NGB: variants seen among roughly 807,000 people sequenced by gnomAD.
NGB encodes the protein nitrite reductase.
A neutral mutation model predicts 17.3 loss-of-function variants in NGB; 12 were observed. That is an observed-to-expected ratio of 0.69 (90% CI 0.45 to 1.13). NGB has a LOEUF of 1.13. Among genes scored for constraint, NGB ranks in the 50% most tolerant of loss-of-function variants. The pLI is 0.00. For synonymous variants in NGB, 87 were observed against 81.0 expected (o/e 1.07, Z -0.40); for missense variants, 195 against 191.7 (o/e 1.02, Z -0.10).
At chr14:77,270,769 C>T (rs1889763639) in intron 1 of NGB, 80 bp downstream of exon 1, 1 of 1,281,956 alleles carries the variant, frequency 7.8e-7, no homozygotes, top group East Asian at 2.7e-5. Flanking sequence ...TTCCCTCCTT[C>T]GGGGCCGGTC....
chr14:77,269,298 G>A lies in NGB; in HGVS notation c.118C>T (p.Pro40Ser), dbSNP rs1339289448. 3.2e-6 allele frequency: 5 copies of A among 1,551,512 alleles called. No individual in the cohort carries two copies. The highest frequency in any genetic ancestry group is 4.4e-6 in the Non-Finnish European group (5 of 1,146,762). ...TGGCGGCAGTTGTACTGGAAGAGGG[G>A]CAGCAGGTCAGGCTCCAGGGCAAAC... Reference protein sequence around the residue: ...RLFALEPDLLPLFQYNCRQFS... With the variant: ...RLFALEPDLLSLFQYNCRQFS... The change falls in exon 2 of 4, where the codon CCC becomes TCC. Residue 40 changes from proline to serine, a missense_variant. By Grantham distance (74) the Pro-to-Ser change is moderately conservative. Coordinates refer to ENST00000298352, the MANE Select transcript of NGB (RefSeq NM_021257.4).
intron 3 of NGB, among the ~76,000 whole-genome samples, chr14:77,267,893 A>G (rs886694205): frequency 1.3e-5 from 2 of 152,208 alleles, no homozygotes; most frequent in African/African-American, 4.8e-5. Flanking sequence ...ACATTAGCAA[A>G]AGTGATGCAA....
At chr14:77,270,283 G>A (rs1324174914) in intron 1 of NGB, among the ~76,000 whole-genome samples, 1 of 151,224 alleles carries the variant, frequency 6.6e-6, no homozygotes, top group African/African-American at 2.4e-5. Flanking sequence ...CCTCTCCCCT[G>A]CGGTGAGGCT....
chr14:77,268,412 G>C, intron 3 of NGB, 54 bp downstream of exon 3: 3 of 1,588,582 alleles, frequency 1.9e-6, no homozygotes, highest in Non-Finnish European at 2.6e-6. Flanking sequence ...GTCTGGGAGA[G>C]AGAAGTGGCC....
At chr14:77,269,717 T>TCC (rs1889733357) in intron 1 of NGB, among the ~76,000 whole-genome samples, 1 of 2,328 alleles carries the variant, frequency 4.3e-4, no homozygotes, top group South Asian at 0.028. Flanking sequence ...TCTCTCTCTC[T>TCC]CTCTCTCTCT....
chr14:77,266,463 G>T lies in NGB; in HGVS notation c.*73C>A, dbSNP rs200664951. 1,814 of 1,567,616 alleles carry T rather than the reference G, an allele frequency of 1.2e-3. 1 individual carries two copies. The highest frequency in any genetic ancestry group is 1.4e-3 in the Non-Finnish European group (1,662 of 1,152,374). On this transcript the variant is annotated 3_prime_UTR_variant, in exon 4 of 4. Coordinates refer to ENST00000298352, the MANE Select transcript of NGB (RefSeq NM_021257.4). ...GGACCAAGATGCAGGGAAGCTTGGGGAGCCTGGGCTACAACAGATACAGGC... is the reference window on the plus strand; with the variant it reads ...GGACCAAGATGCAGGGAAGCTTGGGTAGCCTGGGCTACAACAGATACAGGC...
At chr14:77,269,376 G>T (rs1326399891) in intron 1 of NGB, 50 bp from the exon 2 acceptor site, 1 of 1,275,302 alleles carries the variant, frequency 7.8e-7, no homozygotes, top group Non-Finnish European at 1.1e-6. Context: ...GCTCCTGCAA[G>T]CCCCAGCAAG....
chr14:77,270,827 C>T (rs1162998771), intron 1 of NGB, 22 bp downstream of exon 1: 2 of 1,550,296 alleles, frequency 1.3e-6, no homozygotes, highest in South Asian at 1.2e-5. Context: ...CCCGCATCCC[C>T]GGGCGCTCGT....
chr14:77,266,973 G>C (rs1410305478), intron 3 of NGB, among the ~76,000 whole-genome samples: 2 of 152,208 alleles, frequency 1.3e-5, no homozygotes, highest in Non-Finnish European at 2.9e-5. Context: ...ACCAAACCAA[G>C]TCATTGCTCC....
chr14:77,269,289 G>T lies in NGB; in HGVS notation c.127C>A (p.Gln43Lys), dbSNP rs1310845801. 3.9e-6 allele frequency: 6 copies of T among 1,551,634 alleles called. No individual in the cohort carries two copies. The highest frequency in any genetic ancestry group is 2.4e-5 in the South Asian group (2 of 84,058). Residue 43 changes from glutamine (Q) to lysine (K), a missense_variant, in exon 2 of 4, where the codon CAG becomes AAG. Transcript: ENST00000298352. ...CTGGAGAACTGGCGGCAGTTGTACT[G>T]GAAGAGGGGCAGCAGGTCAGGCTCC... ...ALEPDLLPLF[Q>K]YNCRQFSSPE... is the part of the protein sequence containing the mutation.
chr14:77,268,746 G>A (rs534153252), intron 2 of NGB, among the ~76,000 whole-genome samples, 161 bp from the exon 3 acceptor site: 1 of 152,194 alleles, frequency 6.6e-6, no homozygotes, highest in African/African-American at 2.4e-5. Flanking sequence ...CTACATGTAG[G>A]GGGCACCCGA....
In NGB at chr14:77,269,252, C is replaced by T. The variant is rs1178976588; in HGVS notation, c.164G>A (p.Cys55Tyr). The T allele has an allele frequency of 4.5e-6, 7 of 1,551,636 alleles. No individual in the cohort carries two copies. Among genetic ancestry groups the T allele is most frequent in the Non-Finnish European group, 2.6e-6 (3 of 1,146,934 alleles). ...NCRQFSSPED[C>Y]LSSPEFLDHI... is the part of the protein sequence containing the mutation. ...GTCCAGGAACTCAGGCGAGGAGAGACAGTCCTCTGGGCTGGAGAACTGGCG... is the reference window on the plus strand; with the variant it reads ...GTCCAGGAACTCAGGCGAGGAGAGATAGTCCTCTGGGCTGGAGAACTGGCG... The change falls in exon 2 of 4, where the codon TGT becomes TAT. Residue 55 changes from cysteine to tyrosine, a missense_variant. Coordinates refer to ENST00000298352, the MANE Select transcript of NGB (RefSeq NM_021257.4).
chr14:77,265,786 T>C lies in NGB; in HGVS notation c.*750A>G. 6.2e-6 allele frequency: 1 copy of C among 161,156 alleles called. No homozygotes were observed. The highest frequency in any genetic ancestry group is 5.7e-5 in the Admixed American group (1 of 17,420). The allele number at this position is 161,156 out of a possible 1,614,324, so 10.0% of individuals were successfully genotyped here. ...GGTCTCTCTGGGATGAAGTCACCCC[T>C]CCTTCCTGGCCGGTCCCCAGCCCCT... On this transcript the variant is annotated 3_prime_UTR_variant, in exon 4 of 4. Transcript: ENST00000298352. This position sits in a 1 kb window ranked among gnomAD's most constrained non-coding sequence, Gnocchi z 4.7.
chr14:77,268,555 T>C lies in NGB; in HGVS notation c.232A>G (p.Asn78Asp), dbSNP rs779520950. The C allele has an allele frequency of 6.2e-7, 1 of 1,613,090 alleles. No individual in the cohort carries two copies. The highest frequency in any genetic ancestry group is 8.5e-7 in the Non-Finnish European group (1 of 1,179,924). ...TCCAGTGAGGACAGGTCTTCCACAT[T>C]GGTCACTGCAGCATCAATCACGAGC... ...VMLVIDAAVT[N>D]VEDLSSLEEY... The change falls in exon 3 of 4, where the codon AAT becomes GAT. Residue 78 changes from asparagine (N) to aspartate (D), a missense_variant. By Grantham distance (23) the Asn-to-Asp change is conservative. Transcript: ENST00000298352.
At position 77,266,573 on chromosome 14, in the gene NGB, A is replaced by ACGGCCC. The variant is rs776271598; in HGVS notation, c.413_418dup (p.Gly138_Ala139dup). ...CCAGCCTCGACTCATGGCCTGCACTACGGCCCCGTAGAGTTGGCTCCAGGC... is the reference window on the plus strand; with the variant it reads ...CCAGCCTCGACTCATGGCCTGCACTACGGCCCCGGCCCCGTAGAGTTGGCTCCAGGC... On this transcript the variant is annotated inframe_insertion, in exon 4 of 4. Coordinates refer to ENST00000298352, the MANE Select transcript of NGB (RefSeq NM_021257.4). 6.2e-7 allele frequency: 1 copy of ACGGCCC among 1,614,138 alleles called. No homozygotes were observed. The highest frequency in any genetic ancestry group is 8.5e-7 in the Non-Finnish European group (1 of 1,180,036).
chr14:77,266,494 G>A lies in NGB; in HGVS notation c.*42C>T. ...GGGCTACAACAGATACAGGCCAACA[G>A]ACAGACACAGATGGATGGGGGCTGC... is the stretch of plus-strand genomic sequence containing the variant. On this transcript the variant is annotated 3_prime_UTR_variant, in exon 4 of 4. Coordinates refer to ENST00000298352, the MANE Select transcript of NGB (RefSeq NM_021257.4). 1.3e-6 allele frequency: 2 copies of A among 1,596,084 alleles called. No homozygotes were observed. The highest frequency in any genetic ancestry group is 1.7e-6 in the Non-Finnish European group (2 of 1,170,512).
chr14:77,269,132 G>A (rs949020533), intron 2 of NGB, 83 bp downstream of exon 2: 2 of 882,552 alleles, frequency 2.3e-6, no homozygotes. Context: ...TAGACCTGGG[G>A]CAGAAAGTCA....
In NGB at chr14:77,266,339, C is replaced by G; in HGVS notation, c.*197G>C. On this transcript the variant is annotated 3_prime_UTR_variant, in exon 4 of 4. Coordinates refer to ENST00000298352, the MANE Select transcript of NGB (RefSeq NM_021257.4). ...CTGGGGATGAGGGGACACCCAGAAG[C>G]CCCTTCCTGGAGGAAAAGCCACTCC... 1 of 817,846 alleles carries G rather than the reference C, an allele frequency of 1.2e-6. No individual in the cohort carries two copies. The highest frequency in any genetic ancestry group is 1.3e-5 in the South Asian group (1 of 74,594). 50.7% of individuals were successfully genotyped at this position (817,846 alleles called of 1,614,324 possible).
intron 1 of NGB, among the ~76,000 whole-genome samples, chr14:77,269,964 T>G (rs966359022): frequency 6.6e-6 from 1 of 151,498 alleles, no homozygotes; most frequent in Non-Finnish European, 1.5e-5. Context: ...TCACACAGCT[T>G]GGATGTAGTG....
Sources: allele counts gnomAD v4.1 joint callset (sites outside exome capture counted in the v4.1 genomes callset), GRCh38; gene constraint gnomAD v4.1.1; non-coding constraint Gnocchi (gnomAD v3.1); transcripts MANE v1.5; gene names NCBI Gene and HGNC (gene_info 2026-07-23, HGNC 2026-07-21).